MLC1: variants seen among roughly 807,000 people sequenced by gnomAD.
MLC1 encodes membrane protein MLC1.
A neutral mutation model predicts 44.7 loss-of-function variants in MLC1; 32 were observed. The observed-to-expected ratio is 0.72, with a 90% confidence interval of 0.54 to 0.96. MLC1 has a LOEUF of 0.96. Among genes scored for constraint, MLC1 ranks in the 40% least tolerant of loss-of-function variants. The pLI is 0.00. For missense variants in MLC1, 459 were observed against 492.2 expected, an observed-to-expected ratio of 0.93 and a Z score of 0.64; for synonymous variants, 190 against 213.0, an observed-to-expected ratio of 0.89 and a Z score of 0.94.
At chr22:50,068,039 A>G (rs1295081184) in intron 10 of MLC1, among the ~76,000 whole-genome samples, 1 of 152,242 alleles carries the variant, frequency 6.6e-6, no homozygotes, top group Non-Finnish European at 1.5e-5. Context: ...GTCGTGTTGG[A>G]GATAAGCTCC....
chr22:50,065,602 C>T (rs2061685394), intron 10 of MLC1, among the ~76,000 whole-genome samples: 1 of 152,176 alleles, frequency 6.6e-6, no homozygotes, highest in Non-Finnish European at 1.5e-5. Context: ...CAGACGTCCT[C>T]ATGCTTTGTA....
rs539201729 is a variant in MLC1 at position 50,085,293 on chromosome 22, G to A, written c.-60+62C>T. The A allele has an allele frequency of 1.7e-5, 15 of 888,488 alleles. No homozygotes were observed. In the East Asian group the frequency reaches 9.3e-4, roughly 55 times the overall value. The allele number at this position is 888,488 out of a possible 1,614,324, so 55.0% of individuals were successfully genotyped here. On this transcript the variant is annotated intron_variant, in intron 1 of 11. Coordinates refer to ENST00000311597, the MANE Select transcript of MLC1 (RefSeq NM_015166.4). The stretch of plus-strand genomic sequence containing the variant: ...CAAGCACGTTAAACTGCTCCAATTG[G>A]TAGCTAAACGAGAGATTGCAAAACA...
intron 6 of MLC1, 90 bp from the exon 7 acceptor site, chr22:50,077,002 G>T: frequency 7.1e-7 from 1 of 1,411,458 alleles, no homozygotes. Context: ...CAGTGGGTCA[G>T]GTCAGCCTGC....
In MLC1 at chr22:50,083,983, G is replaced by C. The variant is rs561728840; in HGVS notation, c.177+743C>G. On this transcript the variant is annotated intron_variant, in intron 2 of 11. Coordinates refer to ENST00000311597, the MANE Select transcript of MLC1 (RefSeq NM_015166.4). The surrounding 1 kb of genome is among the most constrained non-coding windows in gnomAD (Gnocchi z 4.6). ...GCCTGTCTTGGTGGGGCATGCTCAG[G>C]CCACGGGAGGTGGGCAGGACCACTG... is the stretch of plus-strand genomic sequence containing the variant. Among the ~76,000 whole-genome samples the C allele has an allele frequency of 3.2e-4, 48 of 152,274 alleles. No homozygotes were observed. Among genetic ancestry groups the C allele is most frequent in the Admixed American group, 2.9e-3 (45 of 15,304 alleles).
At chr22:50,068,603 C>T in intron 9 of MLC1, 48 bp from the exon 10 acceptor site, 1 of 1,603,874 alleles carries the variant, frequency 6.2e-7, no homozygotes, top group East Asian at 2.2e-5. Context: ...GCCTGGGAGC[C>T]CAGGACAGCG....
Position 50,074,263 on chromosome 22 carries a change from C to A in MLC1, c.667G>T (p.Val223Phe), listed in dbSNP as rs774858564. 6.2e-7 allele frequency: 1 copy of A among 1,613,970 alleles called. No homozygotes were observed. The highest frequency in any genetic ancestry group is 1.3e-5 in the African/African-American group (1 of 74,946). The change falls in exon 8 of 12, where the codon GTT becomes TTT. Residue 223 changes from valine to phenylalanine, a missense_variant. By Grantham distance (50) the Val-to-Phe change is conservative (BLOSUM62 -1). Transcript: ENST00000311597. ...GTCACTGAGAGGTGTGGGCCTGAAACTGAGTCATCCACGTTCAGGGCAATG... is the reference window on the plus strand; with the variant it reads ...GTCACTGAGAGGTGTGGGCCTGAAAATGAGTCATCCACGTTCAGGGCAATG... The part of the protein sequence containing the change: ...GIIALNVDDS[V>F]SGPHLSVTFF...
chr22:50,067,075 A>G (rs2061717663), intron 10 of MLC1, among the ~76,000 whole-genome samples: 1 of 152,300 alleles, frequency 6.6e-6, no homozygotes, highest in Non-Finnish European at 1.5e-5. Context: ...GTCTCTTGTA[A>G]TCGTGAACAA....
intron 9 of MLC1, among the ~76,000 whole-genome samples, chr22:50,069,094 T>G (rs954329042): frequency 4.6e-5 from 7 of 151,750 alleles, no homozygotes; most frequent in Non-Finnish European, 1.0e-4. Flanking sequence ...TGGCACAATC[T>G]CTGATCACTG....
Position 50,063,193 on chromosome 22 carries a change from G to A in MLC1, c.1059+841C>T, listed in dbSNP as rs991461601. On this transcript the variant is annotated intron_variant, in intron 11 of 11. Transcript: ENST00000311597. ...TTTGTATTTTTAAAAGACATTTTAC[G>A]GCTGGGCGCGGTGGCTCACGCCTGT... 1.5e-4 allele frequency among the ~76,000 whole-genome samples: 23 copies of A among 152,234 alleles called. 1 individual carries two copies. The highest frequency in any genetic ancestry group is 6.8e-3 in the Middle Eastern group (2 of 294).
Position 50,068,565 on chromosome 22 carries a change from A to T in MLC1, c.772-10T>A. 6.2e-7 allele frequency: 1 copy of T among 1,607,538 alleles called. No homozygotes were observed. The highest frequency in any genetic ancestry group is 1.1e-5 in the South Asian group (1 of 90,988). Reference sequence around the variant, plus strand: ...CAATCAGGACCTCCACCTGGAAAAAAAGCGCGGGTTGCAGGACCACGGCCG... The same window carrying T: ...CAATCAGGACCTCCACCTGGAAAAATAGCGCGGGTTGCAGGACCACGGCCG... On this transcript the variant is annotated splice_polypyrimidine_tract_variant and intron_variant, in intron 9 of 11. Transcript: ENST00000311597.
In MLC1 at chr22:50,074,196, G is replaced by A. The variant is rs767641251; in HGVS notation, c.714+20C>T. 1.3e-5 allele frequency: 21 copies of A among 1,592,590 alleles called. No individual in the cohort carries two copies. Among genetic ancestry groups the A allele is most frequent in the East Asian group, 4.5e-5 (2 of 44,628 alleles). On this transcript the variant is annotated intron_variant, in intron 8 of 11. Transcript: ENST00000311597. The stretch of plus-strand genomic sequence containing the variant: ...AGTGTGGCCCAGAGCGGCGGCGGGC[G>A]GGCCAGAGGGGTTACTCACGGCCAC...
At chr22:50,084,608 C>T in intron 2 of MLC1, 118 bp downstream of exon 2, 3 of 1,098,796 alleles carry the variant, frequency 2.7e-6, no homozygotes, top group Non-Finnish European at 2.8e-6. Context: ...TCTGCAGCAG[C>T]AGGGTTAGTC....
intron 3 of MLC1, 127 bp downstream of exon 3, chr22:50,082,957 G>T: frequency 1.0e-6 from 1 of 958,126 alleles, no homozygotes; most frequent in Non-Finnish European, 1.7e-6. Context: ...GAGCCACTGT[G>T]CCCGGCCCAT....
chr22:50,082,494 G>A (rs2062170989), intron 3 of MLC1, among the ~76,000 whole-genome samples: 1 of 152,250 alleles, frequency 6.6e-6, no homozygotes, highest in African/African-American at 2.4e-5. Context: ...CCAGTCCCCT[G>A]AGGGCAGATG....
At chr22:50,079,277 C>A (rs1012625013) in intron 5 of MLC1, among the ~76,000 whole-genome samples, 4 of 150,674 alleles carry the variant, frequency 2.7e-5, no homozygotes, top group Non-Finnish European at 5.9e-5. Context: ...GAGCGAGATT[C>A]CTTCTCAAAA....
At chr22:50,076,514 C>T (rs2061984280) in intron 7 of MLC1, among the ~76,000 whole-genome samples, 1 of 151,478 alleles carries the variant, frequency 6.6e-6, no homozygotes, top group Admixed American at 6.6e-5. Flanking sequence ...GAGATAGCAC[C>T]ACTGCACCCC....
At chr22:50,074,947 G>C (rs965597480) in intron 7 of MLC1, among the ~76,000 whole-genome samples, 11 of 152,236 alleles carry the variant, frequency 7.2e-5, no homozygotes, top group African/African-American at 2.7e-4. Flanking sequence ...GCTGCTGCTC[G>C]AGGCACCTGC....
intron 3 of MLC1, among the ~76,000 whole-genome samples, chr22:50,081,049 G>GAAAAAGAAAGAAAGAAAGAAAGAA (rs1555968066): frequency 6.7e-6 from 1 of 149,736 alleles, no homozygotes; most frequent in African/African-American, 2.5e-5. Flanking sequence ...AAGAAAGAAA[G>GAAAAAGAAAGAAAGAAAGAAAGAA]AAAGAAAGAG....
In MLC1 at chr22:50,070,401, C is replaced by T. The variant is rs907795571; in HGVS notation, c.771+126G>A. 8 of 938,132 alleles carry T rather than the reference C, an allele frequency of 8.5e-6. No homozygotes were observed. In the East Asian group the frequency reaches 1.1e-4, roughly 12 times the overall value. 58.1% of individuals were successfully genotyped at this position (938,132 alleles called of 1,614,324 possible). On this transcript the variant is annotated intron_variant, in intron 9 of 11. Transcript: ENST00000311597. ...AACCCCACCTTCCTCATTGTGCAGGCCCTGCAGCCCAGTCACTGCGCTCTC... is the reference window on the plus strand; with the variant it reads ...AACCCCACCTTCCTCATTGTGCAGGTCCTGCAGCCCAGTCACTGCGCTCTC...
Sources: allele counts gnomAD v4.1 joint callset (sites outside exome capture counted in the v4.1 genomes callset), GRCh38; gene constraint gnomAD v4.1.1; non-coding constraint Gnocchi (gnomAD v3.1); transcripts MANE v1.5; gene names NCBI Gene and HGNC (gene_info 2026-07-23, HGNC 2026-07-21).